DOK6: variants seen among roughly 807,000 people sequenced by gnomAD.
The protein encoded by DOK6 is docking protein 6, also known as downstream of tyrosine kinase 6.
A neutral mutation model predicts 44.0 loss-of-function variants in DOK6; 22 were observed. The ratio of observed to expected loss-of-function variants is 0.50; its 90% CI spans 0.36 to 0.71. The LOEUF (loss-of-function observed/expected upper bound fraction) is 0.71, where lower values mean the gene tolerates loss of function less well. Ranked by LOEUF, DOK6 falls within the 30% of genes least tolerant of loss-of-function variation. DOK6 has a pLI of 0.00. For synonymous variants in DOK6, 166 were observed against 145.5 expected (o/e 1.14, Z -1.01); for missense variants, 340 against 416.4 (o/e 0.82, Z 1.60).
At chr18:69,672,558 A>G (rs1360894365) in intron 3 of DOK6, among the ~76,000 whole-genome samples, 2 of 151,950 alleles carry the variant, frequency 1.3e-5, no homozygotes, top group Non-Finnish European at 2.9e-5. Flanking sequence ...GGGTTTCGCC[A>G]TGTTGGCCGG....
At chr18:69,734,780 CA>C (rs1227619358) in intron 5 of DOK6, among the ~76,000 whole-genome samples, 3 of 151,884 alleles carry the variant, frequency 2.0e-5, no homozygotes, top group African/African-American at 7.2e-5. Flanking sequence ...TATAGACCCA[CA>C]AAAAATTATC....
In DOK6 at chr18:69,537,560, C is replaced by G. The variant is rs8084654; in HGVS notation, c.67-26927C>G. ...AACTGATTGAATTGCATTTAGCAAT[C>G]TATACACTCAACTAATTATTGAGCA... On this transcript the variant is annotated intron_variant, in intron 1 of 7. Transcript: ENST00000382713. Among the ~76,000 whole-genome samples the G allele has an allele frequency of 1.8e-4, 27 of 152,202 alleles. 1 individual carries two copies. The highest frequency in any genetic ancestry group is 1.0e-3 in the Admixed American group (16 of 15,282).
At chr18:69,794,234 T>A (rs1464993153) in intron 7 of DOK6, among the ~76,000 whole-genome samples, 1 of 152,160 alleles carries the variant, frequency 6.6e-6, no homozygotes, top group Non-Finnish European at 1.5e-5. Context: ...TGTTCAGTTA[T>A]ACATAATTCT....
intron 7 of DOK6, among the ~76,000 whole-genome samples, chr18:69,809,569 C>CACACACACACACACAT (rs2145113999): frequency 7.1e-5 from 1 of 14,134 alleles, no homozygotes; most frequent in Admixed American, 3.1e-3. Flanking sequence ...CACACAGACA[C>CACACACACACACACAT]ACACACACAC....
intron 2 of DOK6, among the ~76,000 whole-genome samples, chr18:69,577,444 T>C (rs534655697): frequency 3.3e-5 from 5 of 152,262 alleles, no homozygotes; most frequent in Admixed American, 2.6e-4. Flanking sequence ...CCATCTTCAA[T>C]CTCTTATCTG....
intron 1 of DOK6, chr18:69,469,975 T>A (rs1475813736): frequency 5.5e-6 from 1 of 183,316 alleles, no homozygotes. Context: ...GTGTCCGATC[T>A]CCCCTACCCG....
At chr18:69,689,567 A>G (rs1003580725) in intron 4 of DOK6, among the ~76,000 whole-genome samples, 1 of 152,190 alleles carries the variant, frequency 6.6e-6, no homozygotes, top group African/African-American at 2.4e-5. Flanking sequence ...ATTTATTGGT[A>G]AGGGATTTCT....
chr18:69,601,694 A>G (rs1452793382), intron 3 of DOK6, among the ~76,000 whole-genome samples: 1 of 152,166 alleles, frequency 6.6e-6, no homozygotes, highest in Admixed American at 6.5e-5. Context: ...GGCCATCAAG[A>G]TTTAGAATTT....
Position 69,631,913 on chromosome 18 carries a change from C to A in DOK6, c.289+32415C>A, listed in dbSNP as rs138162852. Among the ~76,000 whole-genome samples the A allele has an allele frequency of 2.5e-3, 386 of 152,290 alleles. 1 individual carries two copies. In the East Asian group the frequency reaches 0.026, roughly 10 times the overall value. The stretch of plus-strand genomic sequence containing the variant: ...CTCCAATTCTTTTTATCATAAGTCA[C>A]ATTGACTCTATCTGAAAATCTTTAT... On this transcript the variant is annotated intron_variant, in intron 3 of 7. Coordinates refer to ENST00000382713, the MANE Select transcript of DOK6 (RefSeq NM_152721.6).
At chr18:69,529,305 T>C (rs1310736854) in intron 1 of DOK6, among the ~76,000 whole-genome samples, 1 of 152,184 alleles carries the variant, frequency 6.6e-6, no homozygotes, top group African/African-American at 2.4e-5. Context: ...ATTCTTTTCA[T>C]TGCTTTGTGA....
At chr18:69,584,036 A>T (rs547015554) in intron 2 of DOK6, among the ~76,000 whole-genome samples, 11,762 of 146,378 alleles carry the variant, frequency 0.08, 529 homozygotes, top group Middle Eastern at 0.19. Flanking sequence ...TGAACCCGGG[A>T]GGCGGAGCTT....
chr18:69,534,306 T>G (rs72963585), intron 1 of DOK6, among the ~76,000 whole-genome samples: 1 of 152,098 alleles, frequency 6.6e-6, no homozygotes, highest in South Asian at 2.1e-4. Flanking sequence ...TTTAGAGTTA[T>G]GCAATTGCAA....
chr18:69,811,524 TTATATATA>T lies in DOK6; in HGVS notation c.857-29674_857-29667del, dbSNP rs57486782. On this transcript the variant is annotated intron_variant, in intron 7 of 7. Coordinates refer to ENST00000382713, the MANE Select transcript of DOK6 (RefSeq NM_152721.6). The stretch of plus-strand genomic sequence containing the variant: ...TAATTAGCTTGATTTAACCATTCCA[TTATATATA>T]TATATATATATATATATATATATAT... 4.8e-3 allele frequency among the ~76,000 whole-genome samples: 449 copies of T among 93,352 alleles called. 1 individual carries two copies. Among genetic ancestry groups the T allele is most frequent in the African/African-American group, 8.0e-3 (172 of 21,620 alleles). The allele number at this position is 93,352 out of a possible 152,430, so 61.2% of individuals were successfully genotyped here. A position where few individuals can be genotyped will look rare whatever the true frequency, so the allele number is the denominator to read the frequency against.
At chr18:69,401,802 T>A (rs551182975) in intron 1 of DOK6, among the ~76,000 whole-genome samples, 1 of 152,058 alleles carries the variant, frequency 6.6e-6, no homozygotes, top group East Asian at 1.9e-4. Flanking sequence ...CTGCCGGCTG[T>A]AGTTTAGGGC....
chr18:69,678,093 A>G (rs1456495127), intron 4 of DOK6, among the ~76,000 whole-genome samples: 1 of 152,130 alleles, frequency 6.6e-6, no homozygotes, highest in African/African-American at 2.4e-5. Context: ...TACTAAAAAT[A>G]CAAAAATTAG....
chr18:69,818,569 T>G (rs967489402), intron 7 of DOK6, among the ~76,000 whole-genome samples: 1 of 152,156 alleles, frequency 6.6e-6, no homozygotes, highest in Non-Finnish European at 1.5e-5. Context: ...TTTCAACTGA[T>G]AGAATCAGGC....
At chr18:69,470,521 C>T (rs560686745) in intron 1 of DOK6, among the ~76,000 whole-genome samples, 1 of 152,268 alleles carries the variant, frequency 6.6e-6, no homozygotes, top group South Asian at 2.1e-4. Flanking sequence ...CTGGCCCTCC[C>T]TCAGTCATTT....
intron 7 of DOK6, among the ~76,000 whole-genome samples, chr18:69,836,343 G>A (rs1025200625): frequency 2.0e-5 from 3 of 151,648 alleles, no homozygotes; most frequent in African/African-American, 7.3e-5. Context: ...TGTTTTAAAT[G>A]TCTCTGTAGC....
chr18:69,467,866 G>T lies in DOK6; in HGVS notation c.66+66556G>T, dbSNP rs556260456. The stretch of plus-strand genomic sequence containing the variant: ...TATTATTGTTGTGATATCTGTATTA[G>T]AAGTGACAGACAACACAGTTTCCAA... On this transcript the variant is annotated intron_variant, in intron 1 of 7. Transcript: ENST00000382713. 1.3e-5 allele frequency among the ~76,000 whole-genome samples: 2 copies of T among 152,062 alleles called. 1 individual carries two copies. The highest frequency in any genetic ancestry group is 4.8e-5 in the African/African-American group (2 of 41,420).
Sources: allele counts gnomAD v4.1 joint callset (sites outside exome capture counted in the v4.1 genomes callset), GRCh38; gene constraint gnomAD v4.1.1; transcripts MANE v1.5; gene names NCBI Gene and HGNC (gene_info 2026-07-23, HGNC 2026-07-21).